The following SIX3 variants were observed in gnomAD, a reference collection of about 807,000 sequenced individuals.
The protein encoded by SIX3 is SIX homeobox 3.
A neutral mutation model predicts 21.7 loss-of-function variants in SIX3; 2 were observed. That is an observed-to-expected ratio of 0.09 (90% CI 0.04 to 0.29). The LOEUF (loss-of-function observed/expected upper bound fraction) is 0.29, where lower values mean the gene tolerates loss of function less well. Ranked by LOEUF, SIX3 falls within the 10% of genes least tolerant of loss-of-function variation. The pLI is 1.00. For missense variants in SIX3, 347 were observed against 480.7 expected (o/e 0.72, Z 2.60); for synonymous variants, 243 against 220.6 (o/e 1.10, Z -0.90).
chr2:44,944,703 A>G lies in SIX3; in HGVS notation c.942A>G (p.Ala314=), dbSNP rs338074. 0.93 allele frequency: 1,469,448 copies of G among 1,586,652 alleles called. 680,806 individuals carry two copies. Among genetic ancestry groups the G allele is most frequent in the East Asian group, 0.98 (42,992 of 43,910 alleles). ...GCGTGTCCAGCCTGACGGAGCGCGC[A>G]GACACCGGCACCTCCATCCTCTCGG... ...TTSVSSLTER[A]DTGTSILSVT... The change falls in exon 2 of 2, where the codon GCA becomes GCG. Residue 314 remains alanine, a synonymous_variant. Coordinates refer to ENST00000260653, the MANE Select transcript of SIX3 (RefSeq NM_005413.4).
rs2103647079 is a variant in SIX3, at chr2:44,945,473, T to C, written c.*713T>C. ...TTCTTCTCTCTGTTTTTAAGTCAAG[T>C]ATTGGTCAAAAAAATGCAATCTTCT... On this transcript the variant is annotated 3_prime_UTR_variant, in exon 2 of 2. Transcript: ENST00000260653. The C allele has an allele frequency of 6.6e-6, 1 of 152,124 alleles. No individual in the cohort carries two copies. Among genetic ancestry groups the C allele is most frequent in the Non-Finnish European group, 1.5e-5 (1 of 68,002 alleles). The allele number at this position is 152,124 out of a possible 1,614,324, so 9.4% of individuals were successfully genotyped here. A position where few individuals can be genotyped will look rare whatever the true frequency, so the allele number is the denominator to read the frequency against.
At chr2:44,943,004 C>G in intron 1 of SIX3, 94 bp downstream of exon 1, 1 of 1,475,832 alleles carries the variant, frequency 6.8e-7, no homozygotes, top group Non-Finnish European at 8.9e-7. Flanking sequence ...CGCTGAGAGC[C>G]AGGGAAGCCG....
At position 44,942,046 on chromosome 2, in the gene SIX3, C is replaced by T. The variant is rs1666581857; in HGVS notation, c.-59C>T. The T allele has an allele frequency of 7.1e-7, 1 of 1,403,996 alleles. No individual in the cohort carries two copies. The allele number at this position is 1,403,996 out of a possible 1,614,324, so 87.0% of individuals were successfully genotyped here. A position where few individuals can be genotyped will look rare whatever the true frequency, so the allele number is the denominator to read the frequency against. ...CCTGGTCCTCATCGCCCCTCTCCTC[C>T]TCTTCCTCCCCTCTCTCTTCCTCTC... On this transcript the variant is annotated 5_prime_UTR_variant, in exon 1 of 2. Coordinates refer to ENST00000260653, the MANE Select transcript of SIX3 (RefSeq NM_005413.4). The surrounding 1 kb of genome is among the most constrained non-coding windows in gnomAD (Gnocchi z 8.4).
chr2:44,943,307 C>T (rs338077), intron 1 of SIX3, among the ~76,000 whole-genome samples: 3,864 of 152,312 alleles, frequency 0.025, 66 homozygotes, highest in African/African-American at 0.042. Flanking sequence ...TTGCAAAACC[C>T]CGAGAGAAAT....
At chr2:44,943,385 T>G (rs545342540) in intron 1 of SIX3, among the ~76,000 whole-genome samples, 17 of 152,292 alleles carry the variant, frequency 1.1e-4, no homozygotes, top group Middle Eastern at 3.4e-3. Flanking sequence ...CAGAGGCCAC[T>G]GCGCAGCGGG....
rs991648248 is a variant in SIX3 at position 44,945,065 on chromosome 2, G to A, written c.*305G>A. 2.0e-6 allele frequency: 1 copy of A among 501,746 alleles called. No individual in the cohort carries two copies. Among genetic ancestry groups the A allele is most frequent in the Non-Finnish European group, 3.6e-6 (1 of 277,548 alleles). 31.1% of individuals were successfully genotyped at this position (501,746 alleles called of 1,614,324 possible). ...AGACAGTCAAACGCTGATGTTGCGG[G>A]CAGAAAACATAAAAGAGGTGACAAT... On this transcript the variant is annotated 3_prime_UTR_variant, in exon 2 of 2. Coordinates refer to ENST00000260653, the MANE Select transcript of SIX3 (RefSeq NM_005413.4).
In SIX3 at chr2:44,945,214, T is replaced by C; in HGVS notation, c.*454T>C. 1 of 154,576 alleles carries C rather than the reference T, an allele frequency of 6.5e-6. No individual in the cohort carries two copies. The highest frequency in any genetic ancestry group is 6.4e-5 in the Admixed American group (1 of 15,696). 9.6% of individuals were successfully genotyped at this position (154,576 alleles called of 1,614,324 possible). A position where few individuals can be genotyped will look rare whatever the true frequency, so the allele number is the denominator to read the frequency against. On this transcript the variant is annotated 3_prime_UTR_variant, in exon 2 of 2. Coordinates refer to ENST00000260653, the MANE Select transcript of SIX3 (RefSeq NM_005413.4). ...CTCTAGTTAAAAATGATTTAAAGAGTCGACTATACAAAAATCAATCACCAC... is the reference window on the plus strand; with the variant it reads ...CTCTAGTTAAAAATGATTTAAAGAGCCGACTATACAAAAATCAATCACCAC...
At chr2:44,944,510 G>T in intron 1 of SIX3, 58 bp from the exon 2 acceptor site, 1 of 1,512,676 alleles carries the variant, frequency 6.6e-7, no homozygotes, top group South Asian at 1.2e-5. Context: ...CGGCGGCGCG[G>T]GGGAGCCGGG....
In SIX3 at chr2:44,942,205, G is replaced by A. The variant is rs1666590413; in HGVS notation, c.101G>A (p.Gly34Asp). The change falls in exon 1 of 2, where the codon GGC becomes GAC. Residue 34 changes from glycine (G) to aspartate (D), a missense_variant. Around this residue, in one of 4 missense-constraint regions of SIX3, gnomAD observed 105 missense variants for 116.1 expected, o/e 0.90. Coordinates refer to ENST00000260653, the MANE Select transcript of SIX3 (RefSeq NM_005413.4). The surrounding 1 kb of genome is among the most constrained non-coding windows in gnomAD (Gnocchi z 8.4). Reference sequence around the variant, plus strand: ...TCCATACTTCTGGCGAGTAGCGGCGGCGGGAACGGTGCGGGAGGCGGCGGC... The same window carrying A: ...TCCATACTTCTGGCGAGTAGCGGCGACGGGAACGGTGCGGGAGGCGGCGGC... ...HRSILLASSG[G>D]GNGAGGGGGA... 6.3e-7 allele frequency: 1 copy of A among 1,595,292 alleles called. No homozygotes were observed. Among genetic ancestry groups the A allele is most frequent in the African/African-American group, 1.3e-5 (1 of 74,596 alleles).
intron 1 of SIX3, 98 bp downstream of exon 1, chr2:44,943,008 GA>G: frequency 6.8e-7 from 1 of 1,472,614 alleles, no homozygotes; most frequent in Non-Finnish European, 8.9e-7. Context: ...GAGAGCCAGG[GA>G]AGCCGTGACT....
chr2:44,945,453 C>G lies in SIX3; in HGVS notation c.*693C>G, dbSNP rs1666676143. The G allele has an allele frequency of 7.0e-6, 1 of 142,142 alleles. No homozygotes were observed. Among genetic ancestry groups the G allele is most frequent in the East Asian group, 2.2e-4 (1 of 4,570 alleles). 8.8% of individuals were successfully genotyped at this position (142,142 alleles called of 1,614,324 possible). The stretch of plus-strand genomic sequence containing the variant: ...TCTCGCTCTCTTTCTTTCTCTTCTT[C>G]TCTCTGTTTTTAAGTCAAGTATTGG... On this transcript the variant is annotated 3_prime_UTR_variant, in exon 2 of 2. Transcript: ENST00000260653.
Position 44,944,596 on chromosome 2 carries a change from G to C in SIX3, c.835G>C (p.Gly279Arg). The change falls in exon 2 of 2, where the codon GGC becomes CGC. Residue 279 changes from glycine to arginine, a missense_variant. Around this residue, in one of 4 missense-constraint regions of SIX3, gnomAD observed 110 missense variants for 93.3 expected, o/e 1.18. Coordinates refer to ENST00000260653, the MANE Select transcript of SIX3 (RefSeq NM_005413.4). ...RLQHQAIGPS[G>R]MRSLAEPGCP... ...CCAGCACCAGGCCATTGGACCGAGCGGCATGCGCTCGCTGGCCGAGCCCGG... is the reference window on the plus strand; with the variant it reads ...CCAGCACCAGGCCATTGGACCGAGCCGCATGCGCTCGCTGGCCGAGCCCGG... The C allele has an allele frequency of 6.3e-7, 1 of 1,577,896 alleles. No individual in the cohort carries two copies. Among genetic ancestry groups the C allele is most frequent in the Non-Finnish European group, 8.6e-7 (1 of 1,168,906 alleles).
chr2:44,942,324 C>T lies in SIX3; in HGVS notation c.220C>T (p.Pro74Ser), dbSNP rs747721596. The change falls in exon 1 of 2, where the codon CCG becomes TCG. Residue 74 changes from proline (P) to serine (S), a missense_variant. Physicochemically the swap from Pro to Ser is moderately conservative, Grantham distance 74. Around this residue, in one of 4 missense-constraint regions of SIX3, gnomAD observed 105 missense variants for 116.1 expected, o/e 0.90. Coordinates refer to ENST00000260653, the MANE Select transcript of SIX3 (RefSeq NM_005413.4). This position sits in a 1 kb window ranked among gnomAD's most constrained non-coding sequence, Gnocchi z 8.4. Reference protein sequence around the residue: ...GGGGGGSRAPPEELSMFQLPT... With the variant: ...GGGGGGSRAPSEELSMFQLPT... ...CGGCGGCGGCGGCTCCAGGGCCCCC[C>T]CGGAAGAGTTGTCCATGTTCCAGCT... 1.3e-6 allele frequency: 2 copies of T among 1,593,512 alleles called. No homozygotes were observed. Among genetic ancestry groups the T allele is most frequent in the Non-Finnish European group, 1.7e-6 (2 of 1,177,574 alleles).
Position 44,942,552 on chromosome 2 carries a change from C to A in SIX3, c.448C>A (p.His150Asn). The A allele has an allele frequency of 6.3e-7, 1 of 1,598,642 alleles. No individual in the cohort carries two copies. ...CACGGGCAACTTCCGCGACCTCTAC[C>A]ACATCCTTGAGAACCACAAGTTCAC... ...FHTGNFRDLY[H>N]ILENHKFTKE... is the part of the protein sequence containing the mutation. Residue 150 changes from histidine (H) to asparagine (N), a missense_variant, in exon 1 of 2, where the codon CAC (histidine) becomes AAC (asparagine). By Grantham distance (68) the His-to-Asn change is moderately conservative. Transcript: ENST00000260653. The surrounding 1 kb of genome is among the most constrained non-coding windows in gnomAD (Gnocchi z 8.4).
chr2:44,943,322 T>C (rs574271566), intron 1 of SIX3, among the ~76,000 whole-genome samples: 1 of 152,312 alleles, frequency 6.6e-6, no homozygotes, highest in East Asian at 1.9e-4. Context: ...AGAAATCCAC[T>C]AGCGTCAGAG....
intron 1 of SIX3, among the ~76,000 whole-genome samples, chr2:44,943,347 C>G (rs370002757): frequency 6.6e-6 from 1 of 152,214 alleles, no homozygotes; most frequent in East Asian, 1.9e-4. Flanking sequence ...GAAAGTGAAC[C>G]TGGGTCCCTA....
intron 1 of SIX3, among the ~76,000 whole-genome samples, chr2:44,943,427 ACCG>A (rs1180979352): frequency 1.3e-5 from 2 of 152,090 alleles, no homozygotes; most frequent in East Asian, 3.9e-4. Context: ...ACGTTGCCTG[ACCG>A]GGAGCAGGAG....
chr2:44,944,973 G>T lies in SIX3; in HGVS notation c.*213G>T, dbSNP rs1666662006. 1 of 604,770 alleles carries T rather than the reference G, an allele frequency of 1.7e-6. No individual in the cohort carries two copies. Among genetic ancestry groups the T allele is most frequent in the Non-Finnish European group, 2.9e-6 (1 of 339,162 alleles). The allele number at this position is 604,770 out of a possible 1,614,324, so 37.5% of individuals were successfully genotyped here. ...AAAACAAGAAAATAACAAATTAACC[G>T]CAAACTATCAACAACCCCCAACCAC... On this transcript the variant is annotated 3_prime_UTR_variant, in exon 2 of 2. Transcript: ENST00000260653.
chr2:44,943,951 A>G (rs901331593), intron 1 of SIX3, among the ~76,000 whole-genome samples: 1 of 152,086 alleles, frequency 6.6e-6, no homozygotes, highest in African/African-American at 2.4e-5. Flanking sequence ...TCGTCTGATG[A>G]GGGGAGCGCC....
Sources: gnomAD v4.1 joint callset for allele counts (sites outside exome capture counted in the v4.1 genomes callset) on GRCh38, gnomAD v4.1.1 for gene constraint, gnomAD v4.1.1 regional missense constraint, Gnocchi (gnomAD v3.1) non-coding constraint, MANE v1.5 for transcripts, NCBI Gene and HGNC (gene_info 2026-07-23, HGNC 2026-07-21) for gene names.